ANLN: variants seen among roughly 807,000 people sequenced by gnomAD.
ANLN encodes the protein anillin.
In ANLN, 59 loss-of-function variants were observed where a neutral mutation model predicts 135.1. The observed-to-expected ratio is 0.44, with a 90% CI of 0.35 to 0.54. The LOEUF is 0.54. ANLN is among the 20% of genes least tolerant of loss of function. The probability of loss-of-function intolerance (pLI) is 0.00; values close to 1 mark genes in which losing one functional copy is unlikely to be tolerated. For missense variants in ANLN, 1,182 were observed against 1,340.0 expected (o/e 0.88, Z 1.84); for synonymous variants, 406 against 456.4 (o/e 0.89, Z 1.41).
intron 21 of ANLN, among the ~76,000 whole-genome samples, chr7:36,442,996 T>C (rs1365127259): frequency 2.0e-5 from 3 of 152,116 alleles, no homozygotes; most frequent in African/African-American, 4.8e-5. Context: ...GGCTCTGTTA[T>C]GACTATAACT....
intron 20 of ANLN, among the ~76,000 whole-genome samples, chr7:36,427,790 T>C (rs1465173895): frequency 6.6e-6 from 1 of 152,236 alleles, no homozygotes; most frequent in East Asian, 1.9e-4. Flanking sequence ...CCCTTTCATA[T>C]TAGAAGCTTC....
In ANLN at chr7:36,439,280, G is replaced by T. The variant is rs747031560; in HGVS notation, c.2960G>T (p.Arg987Ile). ...KCQVNSSVEE[R>I]GFLTIFEDVS... is the part of the protein sequence containing the mutation. The stretch of plus-strand genomic sequence containing the variant: ...CAAGTGAATTCCAGTGTTGAAGAAA[G>T]AGGTTTTCTAGTAAGTAACATCACT... Residue 987 changes from arginine to isoleucine, a missense_variant, in exon 21 of 24, where the codon AGA becomes ATA. Around this residue, in one of 3 missense-constraint regions of ANLN, gnomAD observed 82 missense variants for 133.3 expected, o/e 0.62. Transcript: ENST00000265748. 3.8e-6 allele frequency: 6 copies of T among 1,558,940 alleles called. No individual in the cohort carries two copies. Among genetic ancestry groups the T allele is most frequent in the Non-Finnish European group, 5.3e-6 (6 of 1,136,386 alleles).
chr7:36,404,506 C>T (rs1787106254), intron 3 of ANLN, among the ~76,000 whole-genome samples: 1 of 152,150 alleles, frequency 6.6e-6, no homozygotes, highest in African/African-American at 2.4e-5. Flanking sequence ...GTTTGAGGTA[C>T]GACAGCAAAA....
intron 21 of ANLN, 63 bp from the exon 22 acceptor site, chr7:36,443,692 C>A: frequency 9.6e-7 from 1 of 1,038,010 alleles, no homozygotes; most frequent in Non-Finnish European, 1.5e-6. Flanking sequence ...ACAGAATCAG[C>A]ATTTCATTGT....
intron 7 of ANLN, among the ~76,000 whole-genome samples, chr7:36,412,737 T>C (rs768620289): frequency 6.6e-6 from 1 of 152,158 alleles, no homozygotes; most frequent in East Asian, 1.9e-4. Flanking sequence ...GCTTGACATA[T>C]AGAATGATTC....
chr7:36,425,924 TAAAAG>T (rs539843322), intron 18 of ANLN, 86 bp from the exon 19 acceptor site: 296 of 1,224,232 alleles, frequency 2.4e-4, no homozygotes, highest in Admixed American at 8.2e-4. Context: ...CTTATTGTGT[TAAAAG>T]AGATGAGTGA....
chr7:36,450,989 G>T (rs3801303), intron 23 of ANLN, among the ~76,000 whole-genome samples: 75,390 of 152,080 alleles, frequency 0.5, 18,876 homozygotes, highest in East Asian at 0.64. Flanking sequence ...TGTACCTCAT[G>T]TACTTGTAGT....
At chr7:36,413,185 GAA>G (rs1404998959) in intron 7 of ANLN, among the ~76,000 whole-genome samples, 1 of 144,696 alleles carries the variant, frequency 6.9e-6, no homozygotes, top group African/African-American at 2.5e-5. Flanking sequence ...TCTGCCATCT[GAA>G]AAAAAAAACA....
intron 20 of ANLN, among the ~76,000 whole-genome samples, chr7:36,428,899 G>A (rs1350960924): frequency 5.3e-5 from 8 of 149,564 alleles, no homozygotes; most frequent in African/African-American, 1.5e-4. Flanking sequence ...CTGCCTCAGC[G>A]TCCCAAGTAG....
intron 20 of ANLN, among the ~76,000 whole-genome samples, chr7:36,436,556 T>G (rs1325454951): frequency 6.6e-6 from 1 of 152,260 alleles, no homozygotes; most frequent in Non-Finnish European, 1.5e-5. Context: ...TCAAAGCATC[T>G]AGACCATTTG....
chr7:36,420,443 T>A, intron 11 of ANLN, 129 bp downstream of exon 11: 2 of 1,325,474 alleles, frequency 1.5e-6, no homozygotes, highest in Non-Finnish European at 2.1e-6. Flanking sequence ...TAACTTTTGT[T>A]AGCCTCTCTT....
rs751234748 is a variant in ANLN at position 36,422,629 on chromosome 7, A to G, written c.2300-4A>G. On this transcript the variant is annotated splice_region_variant and splice_polypyrimidine_tract_variant and intron_variant, in intron 13 of 23. Transcript: ENST00000265748. ...TATTTGGAATATTGCGTTGTTTTAC[A>G]TAGCTGGGAAGAGAACACTTTTGAT... is the stretch of plus-strand genomic sequence containing the variant. 6.9e-6 allele frequency: 11 copies of G among 1,583,674 alleles called. No individual in the cohort carries two copies. The highest frequency in any genetic ancestry group is 6.8e-6 in the Non-Finnish European group (8 of 1,170,912).
rs1269732201 is a variant in ANLN, at chr7:36,390,146, G to T, written c.18+102G>T. ...GGCGAACCCCCACCGGGCGGAGGGC[G>T]CGTGTGTGCGCGCGTGCGCAGTGTG... On this transcript the variant is annotated intron_variant, in intron 1 of 23. Coordinates refer to ENST00000265748, the MANE Select transcript of ANLN (RefSeq NM_018685.5). 1.5e-5 allele frequency: 24 copies of T among 1,587,872 alleles called. No homozygotes were observed. The Admixed American group carries it at 4.1e-4, about 27-fold the overall frequency.
intron 19 of ANLN, among the ~76,000 whole-genome samples, chr7:36,426,401 T>G (rs533510734): frequency 6.6e-6 from 1 of 152,224 alleles, no homozygotes; most frequent in Non-Finnish European, 1.5e-5. Flanking sequence ...ATGTCAGAAA[T>G]GCATCTTTCT....
At position 36,421,729 on chromosome 7, in the gene ANLN, A is replaced by G. The variant is rs559159443; in HGVS notation, c.2164-128A>G. The G allele has an allele frequency of 1.0e-5, 8 of 803,922 alleles. No individual in the cohort carries two copies. The African/African-American group carries it at 1.4e-4, about 14-fold the overall frequency. The allele number at this position is 803,922 out of a possible 1,614,324, so 49.8% of individuals were successfully genotyped here. A position where few individuals can be genotyped will look rare whatever the true frequency, so the allele number is the denominator to read the frequency against. Reference sequence around the variant, plus strand: ...CATAGTCGAGAAACTTGAGCAGTGAAACTAACATTTTGACTTTCATCTGGA... The same window carrying G: ...CATAGTCGAGAAACTTGAGCAGTGAGACTAACATTTTGACTTTCATCTGGA... On this transcript the variant is annotated intron_variant, in intron 12 of 23. Transcript: ENST00000265748.
In ANLN at chr7:36,422,760, C is replaced by T. The variant is rs535543701; in HGVS notation, c.2427C>T (p.Ile809=). The T allele has an allele frequency of 5.6e-6, 9 of 1,613,216 alleles. No homozygotes were observed. Among genetic ancestry groups the T allele is most frequent in the African/African-American group, 1.3e-5 (1 of 74,892 alleles). ...AAGGATCAGTTACTTTGTCAGAAAT[C>T]CGCTTGCCTCTAAAAGCAGATTTTG... ...PSKGSVTLSE[I]RLPLKADFVC... The change falls in exon 14 of 24, where the codon ATC becomes ATT. Residue 809 remains isoleucine (I), a synonymous_variant. Transcript: ENST00000265748.
At position 36,413,635 on chromosome 7, in the gene ANLN, GT is replaced by G. The variant is rs989980001; in HGVS notation, c.1396-2122del. Among the ~76,000 whole-genome samples the G allele has an allele frequency of 8.4e-4, 128 of 152,312 alleles. 1 individual carries two copies. The highest frequency in any genetic ancestry group is 2.9e-3 in the African/African-American group (119 of 41,558). ...CAGTAACAGTGCAGAGCACTCATCT[GT>G]GGTCTCCACAGACTAAGCAGCCAAA... On this transcript the variant is annotated intron_variant, in intron 7 of 23. Transcript: ENST00000265748.
rs35428425 is a variant in ANLN at position 36,428,776 on chromosome 7, A to ATTT, written c.2883+1766_2883+1768dup. 3.3e-4 allele frequency among the ~76,000 whole-genome samples: 38 copies of ATTT among 114,596 alleles called. 1 individual carries two copies. In the East Asian group the frequency reaches 5.6e-3, roughly 17 times the overall value. The allele number at this position is 114,596 out of a possible 152,430, so 75.2% of individuals were successfully genotyped here. On this transcript the variant is annotated intron_variant, in intron 20 of 23. Transcript: ENST00000265748. Reference sequence around the variant, plus strand: ...TTGGTGATGTTTTAAATAAAAGCAGATTTTTTTTTTTTTTTTTTTTGAGAC... The same window carrying ATTT: ...TTGGTGATGTTTTAAATAAAAGCAGATTTTTTTTTTTTTTTTTTTTTTTGAGAC...
intron 3 of ANLN, among the ~76,000 whole-genome samples, chr7:36,405,826 T>A (rs1787163668): frequency 6.6e-6 from 1 of 152,212 alleles, no homozygotes; most frequent in Admixed American, 6.5e-5. Context: ...ACAGCAATGG[T>A]CTAATCCATT....
Sources: allele counts gnomAD v4.1 joint callset (sites outside exome capture counted in the v4.1 genomes callset), GRCh38; gene constraint gnomAD v4.1.1; regional missense constraint gnomAD v4.1.1; transcripts MANE v1.5; gene names NCBI Gene and HGNC (gene_info 2026-07-23, HGNC 2026-07-21).